The following CEP57L1 variants were observed in gnomAD, a reference collection of about 807,000 sequenced individuals.
The protein encoded by CEP57L1 is centrosomal protein 57 like 1, also known as centrosomal protein CEP57L1.
CEP57L1 carries 37 observed loss-of-function variants against 61.0 expected under a neutral mutation model. The observed-to-expected ratio is 0.61, with a 90% CI of 0.47 to 0.80. The LOEUF (loss-of-function observed/expected upper bound fraction) is 0.80. Among genes scored for constraint, CEP57L1 ranks in the 30% least tolerant of loss-of-function variants. The probability of loss-of-function intolerance (pLI) is 0.00; values close to 1 mark genes in which losing one functional copy is unlikely to be tolerated. For synonymous variants in CEP57L1, 137 were observed against 162.3 expected, an observed-to-expected ratio of 0.84 and a Z score of 1.19; for missense variants, 422 against 524.7, an observed-to-expected ratio of 0.80 and a Z score of 1.91.
At chr6:109,096,357 A>G (rs1276878594) in intron 1 of CEP57L1, among the ~76,000 whole-genome samples, 3 of 152,264 alleles carry the variant, frequency 2.0e-5, no homozygotes, top group Admixed American at 6.5e-5. Context: ...ACATACGGTT[A>G]CAATAATACA....
chr6:109,145,249 G>A lies in CEP57L1; in HGVS notation c.28G>A (p.Val10Ile), dbSNP rs61738593. ...GGATTCTGAATTAATGCATAGTATAGTAGGAAGCTATCATAAACCTCCAGA... is the reference window on the plus strand; with the variant it reads ...GGATTCTGAATTAATGCATAGTATAATAGGAAGCTATCATAAACCTCCAGA... MDSELMHSI[V>I]GSYHKPPERV... Residue 10 changes from valine (V) to isoleucine (I), a missense_variant, in exon 2 of 11, where the codon GTA becomes ATA. Physicochemically the swap from Val to Ile is conservative, Grantham distance 29. Transcript: ENST00000517392. The A allele has an allele frequency of 1.5e-5, 24 of 1,593,626 alleles. No individual in the cohort carries two copies. Among genetic ancestry groups the A allele is most frequent in the Non-Finnish European group, 2.0e-5 (23 of 1,163,868 alleles).
At chr6:109,143,783 T>C (rs1056223740) in intron 1 of CEP57L1, among the ~76,000 whole-genome samples, 14 of 152,064 alleles carry the variant, frequency 9.2e-5, no homozygotes, top group Non-Finnish European at 2.1e-4. Context: ...AATAGCAAAA[T>C]TTCATTCTTT....
intron 1 of CEP57L1, chr6:109,129,342 T>A: frequency 1.7e-6 from 2 of 1,193,310 alleles, no homozygotes; most frequent in Non-Finnish European, 2.1e-6. Context: ...TATAATAATA[T>A]AGACTGCCGA....
At chr6:109,101,364 G>A (rs1782375570) in intron 1 of CEP57L1, among the ~76,000 whole-genome samples, 1 of 152,104 alleles carries the variant, frequency 6.6e-6, no homozygotes, top group Admixed American at 6.5e-5. Context: ...TATATGTATG[G>A]CTTGGGAGCT....
At chr6:109,159,242 A>G in intron 8 of CEP57L1, 27 bp from the exon 9 acceptor site, 1 of 1,614,148 alleles carries the variant, frequency 6.2e-7, no homozygotes, top group Middle Eastern at 1.6e-4. Context: ...CTGTTCTGTG[A>G]ATGCAAGTAT....
rs941392074 is a variant in CEP57L1 at position 109,167,588 on chromosome 6, A to G, written c.*4618A>G. Among the ~76,000 whole-genome samples, 4 of 152,130 alleles carry G rather than the reference A, an allele frequency of 2.6e-5. No homozygotes were observed. The highest frequency in any genetic ancestry group is 9.7e-5 in the African/African-American group (4 of 41,416). On this transcript the variant is annotated 3_prime_UTR_variant, in exon 11 of 11. Transcript: ENST00000517392. ...GCTACTCGGGAGGCTGAGGCAGGAT[A>G]ATTGCTTGAACCTGGGAGGCAGAGG...
rs140019304 is a variant in CEP57L1 at position 109,145,246 on chromosome 6, A to G, written c.25A>G (p.Ile9Val). 2.5e-6 allele frequency: 4 copies of G among 1,591,384 alleles called. No individual in the cohort carries two copies. The highest frequency in any genetic ancestry group is 3.4e-6 in the Non-Finnish European group (4 of 1,161,734). MDSELMHS[I>V]VGSYHKPPER... Reference sequence around the variant, plus strand: ...AATGGATTCTGAATTAATGCATAGTATAGTAGGAAGCTATCATAAACCTCC... The same window carrying G: ...AATGGATTCTGAATTAATGCATAGTGTAGTAGGAAGCTATCATAAACCTCC... Residue 9 changes from isoleucine (I) to valine (V), a missense_variant, in exon 2 of 11, where the codon ATA becomes GTA. Ile to Val is a conservative substitution (Grantham distance 29). Transcript: ENST00000517392.
rs1041599662 is a variant in CEP57L1 at position 109,164,301 on chromosome 6, AC to A, written c.*1332del. Among the ~76,000 whole-genome samples, 5 of 152,186 alleles carry A rather than the reference AC, an allele frequency of 3.3e-5. No individual in the cohort carries two copies. The highest frequency in any genetic ancestry group is 1.2e-4 in the African/African-American group (5 of 41,432). ...TATGGATCTTTTGGGGAGGAAGAGA[AC>A]TATAATTCATTCTAATGGTGAGGAG... On this transcript the variant is annotated 3_prime_UTR_variant, in exon 11 of 11. Coordinates refer to ENST00000517392, the MANE Select transcript of CEP57L1 (RefSeq NM_001271852.3).
Position 109,145,392 on chromosome 6 carries a change from T to C in CEP57L1, c.160+11T>C, listed in dbSNP as rs760611842. The stretch of plus-strand genomic sequence containing the variant: ...GCCCAAATAGCCAAGGTAATGCTGA[T>C]ATAAAATTTGAAGAATGGTAAAAAC... On this transcript the variant is annotated intron_variant, in intron 2 of 10. Transcript: ENST00000517392. 1 of 1,516,282 alleles carries C rather than the reference T, an allele frequency of 6.6e-7. No individual in the cohort carries two copies. The highest frequency in any genetic ancestry group is 1.4e-5 in the African/African-American group (1 of 71,778). The allele number at this position is 1,516,282 out of a possible 1,614,324, so 93.9% of individuals were successfully genotyped here. A position where few individuals can be genotyped will look rare whatever the true frequency, so the allele number is the denominator to read the frequency against.
chr6:109,155,378 T>C lies in CEP57L1; in HGVS notation c.657+71T>C, dbSNP rs1208732486. On this transcript the variant is annotated intron_variant, in intron 6 of 10. Transcript: ENST00000517392. Reference sequence around the variant, plus strand: ...TTATTATATTTTTATTTTCATTAACTGAAGCCTATGTTCTAGATTCTAATT... The same window carrying C: ...TTATTATATTTTTATTTTCATTAACCGAAGCCTATGTTCTAGATTCTAATT... 5 of 787,322 alleles carry C rather than the reference T, an allele frequency of 6.4e-6. No individual in the cohort carries two copies. The African/African-American group carries it at 9.2e-5, about 15-fold the overall frequency. The allele number at this position is 787,322 out of a possible 1,614,324, so 48.8% of individuals were successfully genotyped here.
At chr6:109,128,362 G>A (rs1304655453) in intron 1 of CEP57L1, among the ~76,000 whole-genome samples, 1 of 151,930 alleles carries the variant, frequency 6.6e-6, no homozygotes, top group African/African-American at 2.4e-5. Flanking sequence ...TTACATATTT[G>A]TAGCAGATTC....
intron 1 of CEP57L1, among the ~76,000 whole-genome samples, chr6:109,143,763 T>A (rs1771669658): frequency 6.6e-6 from 1 of 152,152 alleles, no homozygotes; most frequent in Non-Finnish European, 1.5e-5. Flanking sequence ...GACTTCAGTG[T>A]GTAGTGACAA....
chr6:109,163,870 T>G lies in CEP57L1; in HGVS notation c.*900T>G, dbSNP rs1268770973. ...CAATAATGTCAAATGTCATTGTGTA[T>G]GCATGCTTTATAATAAATTTACACT... is the stretch of plus-strand genomic sequence containing the variant. On this transcript the variant is annotated 3_prime_UTR_variant, in exon 11 of 11. Transcript: ENST00000517392. The G allele has an allele frequency of 6.6e-6, 1 of 152,184 alleles. No homozygotes were observed. The highest frequency in any genetic ancestry group is 1.5e-5 in the Non-Finnish European group (1 of 68,040). The allele number at this position is 152,184 out of a possible 1,614,324, so 9.4% of individuals were successfully genotyped here.
chr6:109,162,362 T>C (rs577593529), intron 10 of CEP57L1, among the ~76,000 whole-genome samples: 7 of 152,126 alleles, frequency 4.6e-5, no homozygotes, highest in Admixed American at 2.0e-4. Flanking sequence ...TTTTTACCAG[T>C]TTAATATCTT....
At position 109,171,402 on chromosome 6, in the gene CEP57L1, C is replaced by G. The variant is rs1774399602; in HGVS notation, c.*8432C>G. ...TACAGGCATGCGTCACCACACCCGGCTGTTTTTTTTTTTCGCATTTTTAAT... is the reference window on the plus strand; with the variant it reads ...TACAGGCATGCGTCACCACACCCGGGTGTTTTTTTTTTTCGCATTTTTAAT... On this transcript the variant is annotated 3_prime_UTR_variant, in exon 11 of 11. Transcript: ENST00000517392. Among the ~76,000 whole-genome samples, 1 of 144,846 alleles carries G rather than the reference C, an allele frequency of 6.9e-6. No individual in the cohort carries two copies. Among genetic ancestry groups the G allele is most frequent in the South Asian group, 2.3e-4 (1 of 4,316 alleles).
intron 1 of CEP57L1, among the ~76,000 whole-genome samples, chr6:109,136,750 AT>A (rs1770774736): frequency 7.4e-6 from 1 of 134,478 alleles, no homozygotes; most frequent in South Asian, 2.2e-4. Flanking sequence ...ATTTTATTTT[AT>A]TTTATTTTAT....
chr6:109,152,141 G>T (rs2049183855), intron 4 of CEP57L1, among the ~76,000 whole-genome samples: 1 of 151,644 alleles, frequency 6.6e-6, no homozygotes. Flanking sequence ...TCTGTTTATT[G>T]GTATTGTTTT....
chr6:109,161,627 T>C (rs1773724798), intron 10 of CEP57L1, among the ~76,000 whole-genome samples: 1 of 152,188 alleles, frequency 6.6e-6, no homozygotes, highest in African/African-American at 2.4e-5. Flanking sequence ...TTTATTTTAC[T>C]GGCTTTTAAG....
chr6:109,149,501 A>G (rs1239492243), intron 3 of CEP57L1, among the ~76,000 whole-genome samples: 1 of 152,164 alleles, frequency 6.6e-6, no homozygotes, highest in Admixed American at 6.5e-5. Context: ...TACCAGTACC[A>G]TGCTGTTTTG....
Sources: allele counts gnomAD v4.1 joint callset (sites outside exome capture counted in the v4.1 genomes callset), GRCh38; gene constraint gnomAD v4.1.1; transcripts MANE v1.5; gene names NCBI Gene and HGNC (gene_info 2026-07-23, HGNC 2026-07-21).